Variants in NCALD observed in about 807,000 individuals in gnomAD.
NCALD encodes the protein neurocalcin-delta.
A neutral mutation model predicts 18.6 loss-of-function variants in NCALD; 10 were observed. The observed-to-expected ratio is 0.54, with a 90% CI of 0.33 to 0.91. NCALD has a LOEUF of 0.91. NCALD is among the 40% of genes least tolerant of loss of function. The pLI, the probability that NCALD is intolerant of heterozygous loss-of-function variation, is 0.03. For synonymous variants in NCALD, 88 were observed against 87.4 expected (o/e 1.01, Z -0.04); for missense variants, 184 against 247.6 (o/e 0.74, Z 1.72).
In NCALD at chr8:101,758,253, G is replaced by A. The variant is rs192458611; in HGVS notation, c.-20+32609C>T. 9.9e-5 allele frequency among the ~76,000 whole-genome samples: 15 copies of A among 152,086 alleles called. No homozygotes were observed. In the East Asian group the frequency reaches 1.9e-3, roughly 20 times the overall value. On this transcript the variant is annotated intron_variant, in intron 1 of 3. Transcript: ENST00000220931. ...AAAGCACTTGACCCTCTCTCCACCC[G>A]CTCCTGCTCCAACTCCACAGAAAGG...
At chr8:101,724,476 C>T (rs920798158) in intron 1 of NCALD, among the ~76,000 whole-genome samples, 1 of 152,168 alleles carries the variant, frequency 6.6e-6, no homozygotes, top group Admixed American at 6.5e-5. Flanking sequence ...GTGGGTAATT[C>T]ACTTAACATT....
chr8:101,729,705 C>T (rs1054169547), intron 1 of NCALD, among the ~76,000 whole-genome samples: 1 of 152,136 alleles, frequency 6.6e-6, no homozygotes, highest in Non-Finnish European at 1.5e-5. Flanking sequence ...AGATAAAGCC[C>T]AGGAAATCAT....
At chr8:101,776,901 A>G (rs1453048775) in intron 1 of NCALD, among the ~76,000 whole-genome samples, 1 of 152,150 alleles carries the variant, frequency 6.6e-6, no homozygotes, top group Non-Finnish European at 1.5e-5. Context: ...GCACTCACTG[A>G]ACTGGCAAAG....
In NCALD at chr8:101,949,888, G is replaced by C. The variant is rs147395395; in HGVS notation, c.-156-34030C>G. Among the ~76,000 whole-genome samples, 265 of 152,308 alleles carry C rather than the reference G, an allele frequency of 1.7e-3. 1 individual carries two copies. The highest frequency in any genetic ancestry group is 6.1e-3 in the African/African-American group (254 of 41,576). Reference sequence around the variant, plus strand: ...AGTCAGAAAGGGTTATTCTGCAGCTGACATTGTGTTCCAACAATCATCCAG... The same window carrying C: ...AGTCAGAAAGGGTTATTCTGCAGCTCACATTGTGTTCCAACAATCATCCAG... On this transcript the variant is annotated intron_variant, in intron 2 of 6. Transcript: ENST00000311028.
intron 2 of NCALD, among the ~76,000 whole-genome samples, chr8:101,976,669 C>T (rs1216563924): frequency 6.6e-6 from 1 of 152,092 alleles, no homozygotes; most frequent in Non-Finnish European, 1.5e-5. Context: ...TAGGAGAATG[C>T]CTGTCATTGA....
chr8:101,905,291 C>T (rs1404840981), intron 3 of NCALD, among the ~76,000 whole-genome samples: 1 of 151,828 alleles, frequency 6.6e-6, no homozygotes, highest in Non-Finnish European at 1.5e-5. Flanking sequence ...CTCTCTCTCT[C>T]TCTCTCTCTC....
intron 1 of NCALD, among the ~76,000 whole-genome samples, chr8:102,041,390 A>C (rs1285317750): frequency 1.3e-5 from 2 of 152,252 alleles, no homozygotes; most frequent in Non-Finnish European, 2.9e-5. Flanking sequence ...TCACACTGGA[A>C]GATGTCCTAG....
chr8:101,857,970 G>A (rs1381531975), intron 4 of NCALD, among the ~76,000 whole-genome samples: 1 of 152,182 alleles, frequency 6.6e-6, no homozygotes, highest in Non-Finnish European at 1.5e-5. Flanking sequence ...CAAGGATGCA[G>A]AGTAATGAGC....
chr8:101,711,409 G>A (rs146346050), intron 2 of NCALD, among the ~76,000 whole-genome samples: 1,612 of 152,088 alleles, frequency 0.011, 23 homozygotes, highest in African/African-American at 0.036. Flanking sequence ...AAAACTGGAC[G>A]GAGAATGAGT....
intron 4 of NCALD, among the ~76,000 whole-genome samples, chr8:101,859,791 A>G (rs1296315167): frequency 1.3e-5 from 2 of 152,192 alleles, no homozygotes; most frequent in Admixed American, 1.3e-4. Flanking sequence ...AAATTCTGGA[A>G]GAGAAACTAT....
At position 102,047,737 on chromosome 8, in the gene NCALD, G is replaced by A. The variant is rs74794198; in HGVS notation, c.-209-27448C>T. ...TACACTTTATGTAATTTACTTCTACGGACAATCTTACCTAGCAGGTACTAT... is the reference window on the plus strand; with the variant it reads ...TACACTTTATGTAATTTACTTCTACAGACAATCTTACCTAGCAGGTACTAT... On this transcript the variant is annotated intron_variant, in intron 1 of 6. Transcript: ENST00000311028. Among the ~76,000 whole-genome samples the A allele has an allele frequency of 5.9e-5, 9 of 152,040 alleles. No homozygotes were observed. The South Asian group carries it at 6.2e-4, about 11-fold the overall frequency.
chr8:101,705,847 G>A (rs1815494234), intron 2 of NCALD, among the ~76,000 whole-genome samples: 1 of 152,140 alleles, frequency 6.6e-6, no homozygotes, highest in Admixed American at 6.5e-5. Flanking sequence ...GATGCTGCAT[G>A]GAACAGAAAT....
intron 3 of NCALD, chr8:101,691,319 G>C: frequency 1.0e-6 from 1 of 985,380 alleles, no homozygotes; most frequent in Non-Finnish European, 1.2e-6. Flanking sequence ...CCTTTGGAAA[G>C]GCACAGGTCT....
chr8:102,065,335 T>C (rs528636078), intron 1 of NCALD, among the ~76,000 whole-genome samples: 1 of 152,250 alleles, frequency 6.6e-6, no homozygotes, highest in African/African-American at 2.4e-5. Context: ...GCTTGCCTGT[T>C]ACCTCAGGGC....
At chr8:101,946,207 T>A (rs1472127299) in intron 2 of NCALD, among the ~76,000 whole-genome samples, 1 of 152,188 alleles carries the variant, frequency 6.6e-6, no homozygotes, top group Non-Finnish European at 1.5e-5. Context: ...TAATTTACAA[T>A]CTTTGATGTT....
chr8:101,960,221 G>C (rs1819787625), intron 2 of NCALD, among the ~76,000 whole-genome samples: 1 of 152,080 alleles, frequency 6.6e-6, no homozygotes, highest in Non-Finnish European at 1.5e-5. Flanking sequence ...GGTGCATTTG[G>C]CCAGTGTCCA....
At chr8:101,780,776 A>G (rs1811981108) in intron 1 of NCALD, among the ~76,000 whole-genome samples, 1 of 152,220 alleles carries the variant, frequency 6.6e-6, no homozygotes, top group Non-Finnish European at 1.5e-5. Context: ...AAATCCAGAC[A>G]TGATATAACA....
chr8:102,046,467 A>C (rs79222983), intron 1 of NCALD, among the ~76,000 whole-genome samples: 10,985 of 152,196 alleles, frequency 0.072, 525 homozygotes, highest in East Asian at 0.12. Flanking sequence ...TTTTATTATT[A>C]TAGGTTTATC....
intron 4 of NCALD, among the ~76,000 whole-genome samples, chr8:101,799,118 C>A (rs1358911857): frequency 6.6e-6 from 1 of 151,894 alleles, no homozygotes; most frequent in East Asian, 1.9e-4. Flanking sequence ...ACACACAATC[C>A]AACTAGAGAA....
Sources: allele counts gnomAD v4.1 joint callset (sites outside exome capture counted in the v4.1 genomes callset), GRCh38; gene constraint gnomAD v4.1.1; transcripts MANE v1.5; gene names NCBI Gene and HGNC (gene_info 2026-07-23, HGNC 2026-07-21).